Variants in GLRA1 observed in about 807,000 individuals in gnomAD.
GLRA1 encodes the protein glycine receptor alpha 1.
A neutral mutation model predicts 48.3 loss-of-function variants in GLRA1; 37 were observed. That is an observed-to-expected ratio of 0.77 (90% confidence interval 0.59 to 1.01). GLRA1 has a LOEUF of 1.01. Ranked by LOEUF, GLRA1 falls within the 50% of genes least tolerant of loss-of-function variation. The probability of loss-of-function intolerance (pLI) is 0.00; values close to 1 mark genes in which losing one functional copy is unlikely to be tolerated. For synonymous variants in GLRA1, 196 were observed against 210.7 expected, an observed-to-expected ratio of 0.93 and a Z score of 0.60; for missense variants, 427 against 571.0, an observed-to-expected ratio of 0.75 and a Z score of 2.57.
chr5:151,832,723 C>T (rs1025646922), intron 7 of GLRA1, among the ~76,000 whole-genome samples: 2 of 152,210 alleles, frequency 1.3e-5, no homozygotes, highest in Non-Finnish European at 2.9e-5. Flanking sequence ...TGAAAACACT[C>T]TTCGGGGTAT....
chr5:151,924,208 G>T (rs1754949378), intron 1 of GLRA1, among the ~76,000 whole-genome samples: 1 of 151,958 alleles, frequency 6.6e-6, no homozygotes, highest in Non-Finnish European at 1.5e-5. Context: ...ATAGTGGGGG[G>T]TGTAGCAGAC....
At chr5:151,869,719 A>C (rs1181433210) in intron 3 of GLRA1, among the ~76,000 whole-genome samples, 4 of 149,316 alleles carry the variant, frequency 2.7e-5, no homozygotes, top group Admixed American at 2.0e-4. Flanking sequence ...CACCTCAAAA[A>C]ACAAAAACAA....
At chr5:151,893,840 A>G (rs759273550) in intron 1 of GLRA1, among the ~76,000 whole-genome samples, 2 of 152,184 alleles carry the variant, frequency 1.3e-5, no homozygotes, top group Non-Finnish European at 2.9e-5. Context: ...GTATCTTTAT[A>G]GTAGAATGAT....
intron 3 of GLRA1, among the ~76,000 whole-genome samples, chr5:151,885,303 GA>G (rs1405678004): frequency 6.6e-6 from 1 of 152,202 alleles, no homozygotes; most frequent in Non-Finnish European, 1.5e-5. Flanking sequence ...GTTCCCACAG[GA>G]AATGAAACAA....
At chr5:151,844,048 T>G (rs1018108914) in intron 7 of GLRA1, among the ~76,000 whole-genome samples, 4 of 152,026 alleles carry the variant, frequency 2.6e-5, no homozygotes, top group African/African-American at 9.7e-5. Context: ...TGCATGCCTG[T>G]AATCCCAGCT....
chr5:151,868,629 C>T (rs1265560074), intron 3 of GLRA1, among the ~76,000 whole-genome samples: 1 of 152,212 alleles, frequency 6.6e-6, no homozygotes, highest in African/African-American at 2.4e-5. Flanking sequence ...GATGACACCT[C>T]AGTGTCATTA....
intron 3 of GLRA1, among the ~76,000 whole-genome samples, chr5:151,867,486 G>C (rs1753367305): frequency 6.6e-6 from 1 of 152,176 alleles, no homozygotes; most frequent in Non-Finnish European, 1.5e-5. Flanking sequence ...GCAGAGGTGT[G>C]TAGGCAGGGG....
chr5:151,889,220 A>G (rs1485139779), intron 2 of GLRA1, among the ~76,000 whole-genome samples: 2 of 152,268 alleles, frequency 1.3e-5, no homozygotes, highest in Non-Finnish European at 2.9e-5. Context: ...GAAAATTACA[A>G]TTTAGCTGCC....
chr5:151,909,093 A>T (rs75343981), intron 1 of GLRA1, among the ~76,000 whole-genome samples: 16,974 of 152,216 alleles, frequency 0.11, 1,128 homozygotes, highest in Non-Finnish European at 0.15. Context: ...TTTCTGGCAT[A>T]TAGTAGGTTC....
At chr5:151,828,166 C>T (rs954180691) in intron 8 of GLRA1, among the ~76,000 whole-genome samples, 2 of 152,146 alleles carry the variant, frequency 1.3e-5, no homozygotes, top group Admixed American at 1.3e-4. Context: ...TGCTAGGACA[C>T]ACAGTGCACT....
chr5:151,840,567 GA>G (rs1438079675), intron 7 of GLRA1, among the ~76,000 whole-genome samples: 1 of 152,032 alleles, frequency 6.6e-6, no homozygotes, highest in African/African-American at 2.4e-5. Flanking sequence ...TTGAAAGTTA[GA>G]GATTGTCAGA....
chr5:151,879,100 G>C (rs113625340), intron 3 of GLRA1, among the ~76,000 whole-genome samples: 1,758 of 152,336 alleles, frequency 0.012, 27 homozygotes, highest in African/African-American at 0.035. Flanking sequence ...AGCCACAGGG[G>C]CATAGCTGCC....
chr5:151,859,756 G>T, intron 4 of GLRA1, 29 bp downstream of exon 4: 1 of 1,462,326 alleles, frequency 6.8e-7, no homozygotes, highest in Non-Finnish European at 9.6e-7. Flanking sequence ...GTTCTGAGCA[G>T]GGAGTGGGTG....
chr5:151,841,925 C>T (rs757005898), intron 7 of GLRA1, among the ~76,000 whole-genome samples: 3 of 151,956 alleles, frequency 2.0e-5, no homozygotes, highest in South Asian at 2.1e-4. Context: ...AGCGTGGTGG[C>T]GTGTGCCTGT....
chr5:151,841,347 AT>A, intron 7 of GLRA1, among the ~76,000 whole-genome samples: 1 of 152,222 alleles, frequency 6.6e-6, no homozygotes, highest in East Asian at 1.9e-4. Context: ...AGCTAAAATC[AT>A]TTTTAGAGGG....
chr5:151,831,649 G>T (rs1007258646), intron 7 of GLRA1, among the ~76,000 whole-genome samples: 1 of 152,206 alleles, frequency 6.6e-6, no homozygotes, highest in African/African-American at 2.4e-5. Flanking sequence ...AGCAGCTCCA[G>T]TCAGGGGCTT....
intron 7 of GLRA1, chr5:151,850,614 C>T: frequency 6.8e-7 from 1 of 1,480,124 alleles, no homozygotes; most frequent in Non-Finnish European, 9.4e-7. Context: ...GACTTTTCTG[C>T]TGGTGTAGCC....
At chr5:151,873,613 T>C (rs186427953) in intron 3 of GLRA1, among the ~76,000 whole-genome samples, 48 of 150,560 alleles carry the variant, frequency 3.2e-4, no homozygotes, top group Admixed American at 3.0e-3. Context: ...TGAGCCGAGA[T>C]TGAGATCACG....
chr5:151,906,142 A>T (rs760118806), intron 1 of GLRA1, among the ~76,000 whole-genome samples: 8 of 152,316 alleles, frequency 5.3e-5, no homozygotes, highest in Non-Finnish European at 1.0e-4. Context: ...TTATCAGTAA[A>T]ATAAGGGTAA....
Sources: gnomAD v4.1 joint callset for allele counts (sites outside exome capture counted in the v4.1 genomes callset) on GRCh38, gnomAD v4.1.1 for gene constraint, MANE v1.5 for transcripts, NCBI Gene and HGNC (gene_info 2026-07-23, HGNC 2026-07-21) for gene names.